Variants in PIP5K1C observed in about 807,000 individuals in gnomAD.
PIP5K1C encodes phosphatidylinositol-4-phosphate 5-kinase type 1 gamma, also known as phosphatidylinositol 4-phosphate 5-kinase type-1 gamma.
A neutral mutation model predicts 80.1 loss-of-function variants in PIP5K1C; 45 were observed. The observed-to-expected ratio is 0.56, with a 90% CI of 0.44 to 0.72. The LOEUF is 0.72. Among genes scored for constraint, PIP5K1C ranks in the 30% least tolerant of loss-of-function variants. The pLI, the probability that PIP5K1C is intolerant of heterozygous loss-of-function variation, is 0.00. For missense variants in PIP5K1C, 753 were observed against 954.6 expected (o/e 0.79, Z 2.78); for synonymous variants, 498 against 420.1 (o/e 1.19, Z -2.27).
chr19:3,647,300 G>A (rs984944970), intron 10 of PIP5K1C, 38 bp downstream of exon 10: 3 of 1,490,264 alleles, frequency 2.0e-6, no homozygotes, highest in African/African-American at 1.5e-5. Flanking sequence ...GAGGAGGAGG[G>A]ATGGGAGGAG....
chr19:3,667,695 G>C (rs932441037), intron 1 of PIP5K1C, among the ~76,000 whole-genome samples: 1 of 152,224 alleles, frequency 6.6e-6, no homozygotes, highest in Non-Finnish European at 1.5e-5. Context: ...TGGAGGAGGG[G>C]AGGGGAAATA....
chr19:3,683,573 T>C (rs1397630279), intron 1 of PIP5K1C, among the ~76,000 whole-genome samples: 2 of 152,244 alleles, frequency 1.3e-5, no homozygotes, highest in East Asian at 1.9e-4. Flanking sequence ...GCTCCCATTA[T>C]GCAGAGGCGG....
chr19:3,638,056 C>A, intron 16 of PIP5K1C: 1 of 1,464,504 alleles, frequency 6.8e-7, no homozygotes, highest in Non-Finnish European at 9.0e-7. Flanking sequence ...GAGGTGCCCC[C>A]ACAACAGGCC....
chr19:3,636,627 G>A (rs2145369156), intron 16 of PIP5K1C: 1 of 985,716 alleles, frequency 1.0e-6, no homozygotes, highest in Non-Finnish European at 1.2e-6. Flanking sequence ...GCGGTGGCTG[G>A]CTTCCCGCTG....
chr19:3,659,914 C>T (rs2034774704), intron 5 of PIP5K1C, among the ~76,000 whole-genome samples: 1 of 152,312 alleles, frequency 6.6e-6, no homozygotes, highest in South Asian at 2.1e-4. Context: ...CTCCCGGCCC[C>T]GGGGACCGTG....
chr19:3,647,745 A>G (rs12984738), intron 9 of PIP5K1C, among the ~76,000 whole-genome samples: 83,664 of 151,940 alleles, frequency 0.55, 23,334 homozygotes, highest in Middle Eastern at 0.61. Context: ...TCAGGAGTTC[A>G]AGACCAGCCT....
At chr19:3,691,201 G>T (rs892845357) in intron 1 of PIP5K1C, among the ~76,000 whole-genome samples, 1 of 152,220 alleles carries the variant, frequency 6.6e-6, no homozygotes, top group Admixed American at 6.5e-5. Context: ...GGAAGAAGTC[G>T]CCTTGCACCC....
chr19:3,693,710 T>C (rs1256134997), intron 1 of PIP5K1C, among the ~76,000 whole-genome samples: 1 of 136,964 alleles, frequency 7.3e-6, no homozygotes, highest in Non-Finnish European at 1.6e-5. Flanking sequence ...TCCCAGGGGC[T>C]AGGGCCTCAC....
chr19:3,646,087 G>C (rs1052854940), intron 10 of PIP5K1C, 29 bp from the exon 11 acceptor site: 8 of 1,438,568 alleles, frequency 5.6e-6, no homozygotes, highest in Non-Finnish European at 6.9e-6. Flanking sequence ...GGGTGCCCGG[G>C]GGCAGAGGGT....
intron 3 of PIP5K1C, among the ~76,000 whole-genome samples, chr19:3,662,483 C>T (rs2034866242): frequency 6.6e-6 from 1 of 152,186 alleles, no homozygotes; most frequent in Non-Finnish European, 1.5e-5. Context: ...CCGCTATGTG[C>T]CTCAGTTTCC....
chr19:3,636,855 C>CT, intron 16 of PIP5K1C: 1 of 993,964 alleles, frequency 1.0e-6, no homozygotes, highest in Non-Finnish European at 1.2e-6. Flanking sequence ...CTTAGGCTCT[C>CT]TGGGCCCCTT....
At position 3,696,416 on chromosome 19, in the gene PIP5K1C, GTT is replaced by G. The variant is rs919510438; in HGVS notation, c.94+3879_94+3880del. Among the ~76,000 whole-genome samples the G allele has an allele frequency of 1.3e-5, 2 of 152,196 alleles. No homozygotes were observed. Among genetic ancestry groups the G allele is most frequent in the Admixed American group, 6.5e-5 (1 of 15,282 alleles). ...AGAAAACACGTCAGCAGAGCCATAT[GTT>G]TCAGGTGGTGACAAACGCTATGGTG... is the stretch of plus-strand genomic sequence containing the variant. On this transcript the variant is annotated intron_variant, in intron 1 of 17. Transcript: ENST00000335312. The surrounding 1 kb of genome is among the most constrained non-coding windows in gnomAD (Gnocchi z 4.1).
chr19:3,662,172 G>A (rs12610137), intron 3 of PIP5K1C, among the ~76,000 whole-genome samples, 171 bp from the exon 4 acceptor site: 1 of 152,186 alleles, frequency 6.6e-6, no homozygotes, highest in African/African-American at 2.4e-5. Context: ...CTGAGCTGTC[G>A]ACATCAGGCC....
At chr19:3,664,555 G>A (rs758529737) in intron 3 of PIP5K1C, among the ~76,000 whole-genome samples, 21 of 152,186 alleles carry the variant, frequency 1.4e-4, no homozygotes, top group African/African-American at 2.4e-4. Flanking sequence ...GGCTCTGCCC[G>A]AGGTTTCAGG....
chr19:3,666,807 G>A (rs1429307259), intron 2 of PIP5K1C, among the ~76,000 whole-genome samples: 2 of 151,490 alleles, frequency 1.3e-5, no homozygotes, highest in South Asian at 2.1e-4. Context: ...GTGCACACAC[G>A]CACGCAGGCA....
intron 1 of PIP5K1C, among the ~76,000 whole-genome samples, chr19:3,677,381 G>A (rs2035392354): frequency 6.6e-6 from 1 of 152,144 alleles, no homozygotes; most frequent in Non-Finnish European, 1.5e-5. Context: ...CCAGGAGTTA[G>A]AGACCAGCCT....
chr19:3,634,081 ACCCAC>A (rs1885439670), intron 16 of PIP5K1C, among the ~76,000 whole-genome samples: 1 of 151,934 alleles, frequency 6.6e-6, no homozygotes, highest in South Asian at 2.1e-4. Context: ...GGCTCGGACC[ACCCAC>A]CCTGCAAGAG....
rs1308554955 is a variant in PIP5K1C, at chr19:3,639,011, T to C, written c.1793A>G (p.Glu598Gly). The C allele has an allele frequency of 6.2e-7, 1 of 1,610,674 alleles. No homozygotes were observed. The highest frequency in any genetic ancestry group is 1.1e-5 in the South Asian group (1 of 91,068). ...AGCAGAGGCACCGGCCGGGGAAGCCTCCACCCTGGGGACAGGAGTAGACAG... is the reference window on the plus strand; with the variant it reads ...AGCAGAGGCACCGGCCGGGGAAGCCCCCACCCTGGGGACAGGAGTAGACAG... The part of the protein sequence containing the change: ...VVPKEEDAGV[E>G]ASPAGASAAV... The change falls in exon 16 of 18, where the codon GAG becomes GGG. Residue 598 changes from glutamate (E) to glycine (G), a missense_variant. Around this residue, in one of 6 missense-constraint regions of PIP5K1C, gnomAD observed 315 missense variants for 294.5 expected, o/e 1.07. Transcript: ENST00000335312.
intron 3 of PIP5K1C, among the ~76,000 whole-genome samples, chr19:3,664,217 G>A (rs374349591): frequency 1.3e-5 from 2 of 152,236 alleles, no homozygotes; most frequent in African/African-American, 2.4e-5. Flanking sequence ...GCTGGGAGTC[G>A]GGATGGGGGT....
Sources: gnomAD v4.1 joint callset for allele counts (sites outside exome capture counted in the v4.1 genomes callset) on GRCh38, gnomAD v4.1.1 for gene constraint, gnomAD v4.1.1 regional missense constraint, Gnocchi (gnomAD v3.1) non-coding constraint, MANE v1.5 for transcripts, NCBI Gene and HGNC (gene_info 2026-07-23, HGNC 2026-07-21) for gene names.